SPTLC2: variants seen among roughly 807,000 people sequenced by gnomAD.
SPTLC2 encodes serine palmitoyltransferase long chain base subunit 2, also known as serine palmitoyltransferase 2.
Under a neutral mutation model 62.0 loss-of-function variants are expected in SPTLC2, and 21 were observed. The observed-to-expected ratio is 0.34, with a 90% CI of 0.24 to 0.49. The LOEUF (loss-of-function observed/expected upper bound fraction) is 0.49, where lower values mean the gene tolerates loss of function less well. SPTLC2 is among the 20% of genes least tolerant of loss of function. SPTLC2 has a pLI of 0.99. For synonymous variants in SPTLC2, 261 were observed against 261.8 expected (o/e 1.00, Z 0.03); for missense variants, 511 against 713.0 (o/e 0.72, Z 3.23).
intron 1 of SPTLC2, among the ~76,000 whole-genome samples, chr14:77,599,746 A>AT (rs780748327): frequency 3.3e-5 from 5 of 152,376 alleles, no homozygotes; most frequent in Middle Eastern, 3.4e-3. Context: ...TTAGAACAGA[A>AT]TACCTAAAAT....
intron 2 of SPTLC2, among the ~76,000 whole-genome samples, chr14:77,588,995 TCAAA>T (rs2079799020): frequency 3.7e-5 from 1 of 27,384 alleles, no homozygotes; most frequent in African/African-American, 1.7e-4. Flanking sequence ...AGACCTTGTC[TCAAA>T]AAAAAAAAAA....
At chr14:77,530,461 T>A (rs2079432561) in intron 9 of SPTLC2, among the ~76,000 whole-genome samples, 1 of 152,176 alleles carries the variant, frequency 6.6e-6, no homozygotes, top group African/African-American at 2.4e-5. Context: ...CCTGAGTAGC[T>A]GGGATTACAG....
intron 2 of SPTLC2, among the ~76,000 whole-genome samples, chr14:77,586,063 A>G (rs949669156): frequency 1.1e-4 from 16 of 143,650 alleles, no homozygotes; most frequent in African/African-American, 4.1e-4. Context: ...GAACGTGATA[A>G]ATTTTTTCTT....
At position 77,509,611 on chromosome 14, in the gene SPTLC2, G is replaced by C; in HGVS notation, c.*2673C>G. 3.1e-6 allele frequency: 1 copy of C among 319,444 alleles called. No individual in the cohort carries two copies. The highest frequency in any genetic ancestry group is 1.6e-4 in the South Asian group (1 of 6,270). The allele number at this position is 319,444 out of a possible 1,614,324, so 19.8% of individuals were successfully genotyped here. On this transcript the variant is annotated 3_prime_UTR_variant, in exon 12 of 12. Coordinates refer to ENST00000216484, the MANE Select transcript of SPTLC2 (RefSeq NM_004863.4). ...TTAAACTGTGTAAGAAACTACTCTT[G>C]TATGCCTCAAATCGACTTATTCTCA...
chr14:77,512,203 T>A lies in SPTLC2; in HGVS notation c.*81A>T, dbSNP rs1407179261. ...CTTTCACGTGAGATGGCCACAGAAG[T>A]GTGGTTCCTGGAACTGGCTCACAAA... On this transcript the variant is annotated 3_prime_UTR_variant, in exon 12 of 12. Coordinates refer to ENST00000216484, the MANE Select transcript of SPTLC2 (RefSeq NM_004863.4). 1 of 1,602,438 alleles carries A rather than the reference T, an allele frequency of 6.2e-7. No individual in the cohort carries two copies. The highest frequency in any genetic ancestry group is 8.5e-7 in the Non-Finnish European group (1 of 1,171,758).
chr14:77,560,984 T>C lies in SPTLC2; in HGVS notation c.850+1412A>G, dbSNP rs1243526308. ...ACCCCCGAGACATGCAATTTACCTA[T>C]ATAACAAACCTGTACATGTACCCCT... On this transcript the variant is annotated intron_variant, in intron 6 of 11. Coordinates refer to ENST00000216484, the MANE Select transcript of SPTLC2 (RefSeq NM_004863.4). 3.4e-5 allele frequency among the ~76,000 whole-genome samples: 5 copies of C among 149,190 alleles called. No homozygotes were observed. The East Asian group carries it at 7.9e-4, about 24-fold the overall frequency.
chr14:77,525,901 C>T (rs55905183), intron 9 of SPTLC2, among the ~76,000 whole-genome samples: 1,142 of 112,982 alleles, frequency 0.01, 7 homozygotes, highest in African/African-American at 0.034. Flanking sequence ...GTGACAGAGA[C>T]TCCATCTCAA....
At chr14:77,553,361 C>T (rs2079565282) in intron 8 of SPTLC2, among the ~76,000 whole-genome samples, 1 of 152,176 alleles carries the variant, frequency 6.6e-6, no homozygotes, top group African/African-American at 2.4e-5. Context: ...TGGTTCACAG[C>T]CACAAAGCTT....
intron 2 of SPTLC2, among the ~76,000 whole-genome samples, chr14:77,580,225 C>T (rs2079740583): frequency 6.6e-6 from 1 of 151,452 alleles, no homozygotes; most frequent in African/African-American, 2.4e-5. Flanking sequence ...GTAATCCCAG[C>T]ACTTTGGGAG....
intron 9 of SPTLC2, among the ~76,000 whole-genome samples, chr14:77,526,080 T>A (rs2079407814): frequency 6.7e-6 from 1 of 148,150 alleles, no homozygotes; most frequent in African/African-American, 2.5e-5. Context: ...AGCAGTAAAA[T>A]AAATGTAGAC....
At chr14:77,535,969 C>T (rs774804141) in intron 9 of SPTLC2, 1 of 455,266 alleles carries the variant, frequency 2.2e-6, no homozygotes, top group South Asian at 1.6e-5. Flanking sequence ...ATAGGTATTT[C>T]TTGTTTGGAC....
chr14:77,528,955 C>A (rs151190833), intron 9 of SPTLC2, among the ~76,000 whole-genome samples: 10,778 of 152,158 alleles, frequency 0.071, 532 homozygotes, highest in Admixed American at 0.15. Flanking sequence ...CCTGCCTCAG[C>A]CTTCTGAGTA....
At chr14:77,525,367 G>A (rs574597065) in intron 9 of SPTLC2, among the ~76,000 whole-genome samples, 11 of 152,112 alleles carry the variant, frequency 7.2e-5, no homozygotes, top group Admixed American at 1.3e-4. Flanking sequence ...CCAGACAGGC[G>A]GACCACCTGA....
At chr14:77,564,400 T>TACACAC (rs6145397) in intron 5 of SPTLC2, among the ~76,000 whole-genome samples, 1,727 of 139,336 alleles carry the variant, frequency 0.012, 16 homozygotes, top group African/African-American at 0.018. Flanking sequence ...TATGCATGCA[T>TACACAC]ACACACACAC....
At chr14:77,571,593 T>G (rs1417051030) in intron 4 of SPTLC2, among the ~76,000 whole-genome samples, 1 of 152,004 alleles carries the variant, frequency 6.6e-6, no homozygotes, top group Non-Finnish European at 1.5e-5. Flanking sequence ...ACTCAAATCT[T>G]TAAGGACTAA....
At chr14:77,608,485 T>C (rs1001722107) in intron 1 of SPTLC2, among the ~76,000 whole-genome samples, 13 of 152,204 alleles carry the variant, frequency 8.5e-5, no homozygotes, top group African/African-American at 3.1e-4. Context: ...CTTTTTTCCA[T>C]TAAATAAAAC....
At chr14:77,514,427 G>C (rs553546894) in intron 11 of SPTLC2, among the ~76,000 whole-genome samples, 1 of 152,252 alleles carries the variant, frequency 6.6e-6, no homozygotes, top group African/African-American at 2.4e-5. Context: ...ACTCTTGTGT[G>C]GGGTATTTGG....
intron 3 of SPTLC2, among the ~76,000 whole-genome samples, chr14:77,577,198 C>T (rs560983941): frequency 2.2e-5 from 3 of 134,712 alleles, no homozygotes; most frequent in Admixed American, 8.4e-5. Flanking sequence ...TTTTGGAGGG[C>T]AGTTTGGCAG....
intron 5 of SPTLC2, among the ~76,000 whole-genome samples, chr14:77,565,399 G>A (rs2079639619): frequency 6.6e-6 from 1 of 152,092 alleles, no homozygotes; most frequent in Non-Finnish European, 1.5e-5. Flanking sequence ...ATTACAAAGA[G>A]AAAAGCAGTA....
Sources: gnomAD v4.1 joint callset for allele counts (sites outside exome capture counted in the v4.1 genomes callset) on GRCh38, gnomAD v4.1.1 for gene constraint, MANE v1.5 for transcripts, NCBI Gene and HGNC (gene_info 2026-07-23, HGNC 2026-07-21) for gene names.